CENPO: variants seen among roughly 807,000 people sequenced by gnomAD.
CENPO encodes the protein centromeric protein O.
In CENPO, 30 loss-of-function variants were observed where a neutral mutation model predicts 36.1. That is an observed-to-expected ratio of 0.83 (90% CI 0.62 to 1.13). CENPO has a LOEUF of 1.13. CENPO is among the 50% of genes most tolerant of loss of function. CENPO has a pLI of 0.00. For missense variants in CENPO, 349 were observed against 357.8 expected (o/e 0.98, Z 0.20); for synonymous variants, 171 against 142.3 (o/e 1.20, Z -1.44).
At chr2:24,799,927 T>C (rs1177323784) in intron 3 of CENPO, 83 bp downstream of exon 3, 3 of 1,425,154 alleles carry the variant, frequency 2.1e-6, no homozygotes, top group East Asian at 2.3e-5. Flanking sequence ...GGCCATTTTT[T>C]ATAATGTGTT....
At chr2:24,817,592 A>T in intron 6 of CENPO, 78 bp from the exon 7 acceptor site, 1 of 1,563,854 alleles carries the variant, frequency 6.4e-7, no homozygotes, top group Admixed American at 1.7e-5. Context: ...GCTGCACTGA[A>T]TGAGATTGAA....
At chr2:24,817,380 C>T (rs889390429) in intron 6 of CENPO, among the ~76,000 whole-genome samples, 5 of 150,050 alleles carry the variant, frequency 3.3e-5, no homozygotes, top group South Asian at 2.1e-4. Flanking sequence ...TTCACACCAT[C>T]GGTCTTTGAT....
At chr2:24,806,743 C>G (rs1419556395) in intron 3 of CENPO, among the ~76,000 whole-genome samples, 1 of 152,126 alleles carries the variant, frequency 6.6e-6, no homozygotes, top group Non-Finnish European at 1.5e-5. Flanking sequence ...AGTGGCCTGC[C>G]TTGAGTTGTT....
intron 6 of CENPO, among the ~76,000 whole-genome samples, chr2:24,817,458 G>T (rs1666992283): frequency 2.6e-5 from 1 of 38,300 alleles, no homozygotes; most frequent in African/African-American, 7.9e-5. Flanking sequence ...GGCAGCCTTA[G>T]TCCAGACCAA....
intron 5 of CENPO, chr2:24,816,069 C>G (rs751174470): frequency 4.7e-5 from 17 of 364,518 alleles, no homozygotes; most frequent in Non-Finnish European, 7.7e-5. Context: ...GGCGTGCCTA[C>G]TATGTACCAT....
intron 2 of CENPO, among the ~76,000 whole-genome samples, chr2:24,798,275 GTATATATA>G (rs113677572): frequency 1.3e-5 from 2 of 149,386 alleles, no homozygotes; most frequent in Non-Finnish European, 3.0e-5. Context: ...GTATGTGTGT[GTATATATA>G]TATATATATA....
At chr2:24,802,937 G>A (rs2148262574) in intron 3 of CENPO, among the ~76,000 whole-genome samples, 1 of 152,264 alleles carries the variant, frequency 6.6e-6, no homozygotes, top group East Asian at 1.9e-4. Flanking sequence ...GGTAGAATTC[G>A]GCTGTGAATC....
At position 24,819,921 on chromosome 2, in the gene CENPO, C is replaced by T. The variant is rs1439722248; in HGVS notation, c.*603C>T. On this transcript the variant is annotated 3_prime_UTR_variant, in exon 8 of 8. Transcript: ENST00000380834. ...CCCTTCCGGTTTGGACTGTTGCAGG[C>T]TCGAGGCCATTCAGGAGTTGTCCAC... The T allele has an allele frequency of 6.2e-7, 1 of 1,612,780 alleles. No individual in the cohort carries two copies. Among genetic ancestry groups the T allele is most frequent in the East Asian group, 2.2e-5 (1 of 44,822 alleles).
At chr2:24,796,373 C>T (rs1206019827) in intron 2 of CENPO, among the ~76,000 whole-genome samples, 2 of 152,074 alleles carry the variant, frequency 1.3e-5, no homozygotes, top group African/African-American at 2.4e-5. Context: ...TAACCATTTC[C>T]GGAGTGTTTA....
intron 6 of CENPO, among the ~76,000 whole-genome samples, 195 bp downstream of exon 6, chr2:24,817,012 T>C (rs962841858): frequency 2.6e-5 from 4 of 152,220 alleles, no homozygotes; most frequent in Admixed American, 2.6e-4. Flanking sequence ...ATGGTAAACA[T>C]GATTGTCCCC....
intron 3 of CENPO, among the ~76,000 whole-genome samples, chr2:24,800,192 C>A (rs890660225): frequency 3.9e-5 from 6 of 152,062 alleles, no homozygotes. Flanking sequence ...GGCTGAGGCA[C>A]GAATTGCACC....
At chr2:24,808,463 A>G (rs1044019468) in intron 3 of CENPO, among the ~76,000 whole-genome samples, 3 of 152,168 alleles carry the variant, frequency 2.0e-5, no homozygotes, top group Non-Finnish European at 4.4e-5. Flanking sequence ...CAGCCTCCCA[A>G]AGTGCTGGGA....
rs1465542689 is a variant in CENPO at position 24,822,343 on chromosome 2, G to C, written c.*3025G>C. ...TGTCTGTTCTGTTTCTCTGCTTGCC[G>C]AACTTTCTCAATAAACCCTATTTCT... On this transcript the variant is annotated 3_prime_UTR_variant, in exon 8 of 8. Transcript: ENST00000380834. 1.0e-6 allele frequency: 1 copy of C among 988,734 alleles called. No individual in the cohort carries two copies. Among genetic ancestry groups the C allele is most frequent in the Non-Finnish European group, 1.5e-6 (1 of 677,262 alleles). 61.2% of individuals were successfully genotyped at this position (988,734 alleles called of 1,614,324 possible).
chr2:24,807,881 G>T (rs933168597), intron 3 of CENPO, among the ~76,000 whole-genome samples: 14 of 152,240 alleles, frequency 9.2e-5, no homozygotes, highest in African/African-American at 2.9e-4. Flanking sequence ...TTCATAACCA[G>T]TGATGGTGAA....
In CENPO at chr2:24,821,899, T is replaced by A; in HGVS notation, c.*2581T>A. ...TGAGTCTGACCACGAGGCGGACCCCTTCACCTTGGCTGGGCCTGGTCCTGG... is the reference window on the plus strand; with the variant it reads ...TGAGTCTGACCACGAGGCGGACCCCATCACCTTGGCTGGGCCTGGTCCTGG... On this transcript the variant is annotated 3_prime_UTR_variant, in exon 8 of 8. Coordinates refer to ENST00000380834, the MANE Select transcript of CENPO (RefSeq NM_001322101.2). 1 of 428,430 alleles carries A rather than the reference T, an allele frequency of 2.3e-6. No homozygotes were observed. The highest frequency in any genetic ancestry group is 4.2e-6 in the Non-Finnish European group (1 of 238,606). 26.5% of individuals were successfully genotyped at this position (428,430 alleles called of 1,614,324 possible). A position where few individuals can be genotyped will look rare whatever the true frequency, so the allele number is the denominator to read the frequency against.
intron 2 of CENPO, among the ~76,000 whole-genome samples, chr2:24,796,386 A>T (rs1012409862): frequency 6.6e-6 from 1 of 152,194 alleles, no homozygotes; most frequent in Non-Finnish European, 1.5e-5. Context: ...AGTGTTTACC[A>T]TGTGTAAACA....
At chr2:24,818,787 C>A (rs1010745413) in intron 7 of CENPO, among the ~76,000 whole-genome samples, 2 of 152,162 alleles carry the variant, frequency 1.3e-5, no homozygotes, top group Non-Finnish European at 2.9e-5. Context: ...GGTTCCTTGG[C>A]GTGTGGGTCA....
chr2:24,818,607 C>G (rs749653633), intron 7 of CENPO, among the ~76,000 whole-genome samples: 13 of 151,306 alleles, frequency 8.6e-5, no homozygotes, highest in South Asian at 4.2e-4. Flanking sequence ...TTTAGTAGAG[C>G]TGTGAATGTA....
At chr2:24,812,914 T>G (rs1390790207) in intron 3 of CENPO, among the ~76,000 whole-genome samples, 4 of 150,874 alleles carry the variant, frequency 2.7e-5, no homozygotes, top group Admixed American at 1.3e-4. Context: ...TTTTTTTTTT[T>G]TTTTTTTTTT....
Sources: gnomAD v4.1 joint callset for allele counts (sites outside exome capture counted in the v4.1 genomes callset) on GRCh38, gnomAD v4.1.1 for gene constraint, MANE v1.5 for transcripts, NCBI Gene and HGNC (gene_info 2026-07-23, HGNC 2026-07-21) for gene names.